Variants in NTN4 observed in about 807,000 individuals in gnomAD.
The protein encoded by NTN4 is netrin-4.
Under a neutral mutation model 73.6 loss-of-function variants are expected in NTN4, and 32 were observed. That is an observed-to-expected ratio of 0.44 (90% CI 0.33 to 0.58). The LOEUF (loss-of-function observed/expected upper bound fraction) is 0.58, where lower values mean the gene tolerates loss of function less well. Ranked by LOEUF, NTN4 falls within the 20% of genes least tolerant of loss-of-function variation. The pLI, the probability that NTN4 is intolerant of heterozygous loss-of-function variation, is 0.04. For synonymous variants in NTN4, 258 were observed against 287.5 expected (o/e 0.90, Z 1.04); for missense variants, 654 against 798.3 (o/e 0.82, Z 2.18).
rs145078057 is a variant in NTN4, at chr12:95,714,641, G to A, written c.865-1303C>T. On this transcript the variant is annotated intron_variant, in intron 3 of 9. Transcript: ENST00000343702. ...ACAAATACCTAAGAAGCAAAATAAT[G>A]CTGGCGTTCAAAAGATGCAGAAATC... is the stretch of plus-strand genomic sequence containing the variant. Among the ~76,000 whole-genome samples, 1,080 of 152,256 alleles carry A rather than the reference G, an allele frequency of 7.1e-3. 16 individuals are homozygous for A. Among genetic ancestry groups the A allele is most frequent in the African/African-American group, 0.024 (1,010 of 41,540 alleles).
At chr12:95,788,080 A>G (rs1209629799) in intron 1 of NTN4, among the ~76,000 whole-genome samples, 1 of 152,210 alleles carries the variant, frequency 6.6e-6, no homozygotes, top group East Asian at 1.9e-4. Context: ...ATGGGTCCTC[A>G]TTTAGAGGGA....
At chr12:95,724,851 TCA>T (rs2078680346) in intron 3 of NTN4, among the ~76,000 whole-genome samples, 1 of 152,136 alleles carries the variant, frequency 6.6e-6, no homozygotes, top group Non-Finnish European at 1.5e-5. Flanking sequence ...TCATTTGATC[TCA>T]GTCTTGTTTT....
At chr12:95,747,059 A>C (rs780805044) in intron 2 of NTN4, among the ~76,000 whole-genome samples, 6 of 152,156 alleles carry the variant, frequency 3.9e-5, no homozygotes, top group Non-Finnish European at 8.8e-5. Context: ...CTAAGCCTTT[A>C]TTTTTGTACT....
At chr12:95,664,338 G>T (rs548279690) in intron 9 of NTN4, among the ~76,000 whole-genome samples, 2 of 152,010 alleles carry the variant, frequency 1.3e-5, no homozygotes, top group African/African-American at 2.4e-5. Context: ...GATTACAGGC[G>T]TGAACCACCA....
At chr12:95,706,286 T>G (rs1054203937) in intron 5 of NTN4, among the ~76,000 whole-genome samples, 77 of 50,460 alleles carry the variant, frequency 1.5e-3, no homozygotes, top group Non-Finnish European at 2.9e-3. Context: ...CATAGAACAG[T>G]AACAAAAAAA....
intron 7 of NTN4, chr12:95,672,141 T>TAAGA: frequency 2.4e-6 from 1 of 418,486 alleles, no homozygotes; most frequent in African/African-American, 2.1e-5. Flanking sequence ...GGTAACGTAG[T>TAAGA]AAGACATTGT....
intron 4 of NTN4, among the ~76,000 whole-genome samples, 179 bp downstream of exon 4, chr12:95,713,033 A>G (rs914197957): frequency 6.6e-6 from 1 of 152,152 alleles, no homozygotes; most frequent in Non-Finnish European, 1.5e-5. Flanking sequence ...TGGCAATGTA[A>G]TGAACGGCAA....
chr12:95,768,255 T>C lies in NTN4; in HGVS notation c.585+18684A>G, dbSNP rs376421807. 2.6e-5 allele frequency among the ~76,000 whole-genome samples: 4 copies of C among 152,084 alleles called. No individual in the cohort carries two copies. The South Asian group carries it at 8.3e-4, about 32-fold the overall frequency. On this transcript the variant is annotated intron_variant, in intron 2 of 9. Transcript: ENST00000343702. ...ACATAGGATACTGTGGGTGCACACA[T>C]GTGATGTACGTGTACACTGCACCTA...
At chr12:95,754,727 T>A (rs886326880) in intron 2 of NTN4, among the ~76,000 whole-genome samples, 1 of 151,932 alleles carries the variant, frequency 6.6e-6, no homozygotes, top group South Asian at 2.1e-4. Flanking sequence ...CCCCTTTGAC[T>A]GTAATTTTCC....
intron 3 of NTN4, among the ~76,000 whole-genome samples, chr12:95,714,090 T>G (rs182559005): frequency 6.6e-6 from 1 of 152,252 alleles, no homozygotes; most frequent in East Asian, 1.9e-4. Flanking sequence ...TTCCTCCCCA[T>G]AGTTCAGAGT....
At position 95,665,956 on chromosome 12, in the gene NTN4, G is replaced by A; in HGVS notation, c.1604C>T (p.Ala535Val). The A allele has an allele frequency of 6.2e-7, 1 of 1,610,252 alleles. No homozygotes were observed. The highest frequency in any genetic ancestry group is 8.5e-7 in the Non-Finnish European group (1 of 1,177,806). The change falls in exon 9 of 10, where the codon GCT becomes GTT. Residue 535 changes from alanine to valine, a missense_variant. Coordinates refer to ENST00000343702, the MANE Select transcript of NTN4 (RefSeq NM_021229.4). ...SYVLKIKILSAHDKGTHVEVN... is the reference protein window; with the variant it reads ...SYVLKIKILSVHDKGTHVEVN... ...CTCAACATGAGTACCTTTATCATGA[G>A]CTGATAAAATCTTTATTTTTAGCAC...
intron 2 of NTN4, among the ~76,000 whole-genome samples, chr12:95,748,230 C>CAAAAA (rs769213172): frequency 6.5e-4 from 49 of 75,498 alleles, no homozygotes; most frequent in African/African-American, 1.5e-3. Context: ...GACTCTGTCT[C>CAAAAA]AAAAAAAAAA....
chr12:95,714,803 A>G (rs1358031690), intron 3 of NTN4, among the ~76,000 whole-genome samples: 1 of 152,194 alleles, frequency 6.6e-6, no homozygotes, highest in Non-Finnish European at 1.5e-5. Flanking sequence ...ACCAAGGTGT[A>G]AGGAGAATCT....
At chr12:95,710,713 G>A (rs2078558884) in intron 4 of NTN4, 84 bp from the exon 5 acceptor site, 2 of 1,361,910 alleles carry the variant, frequency 1.5e-6, no homozygotes, top group Non-Finnish European at 2.0e-6. Context: ...GTAAAAATAG[G>A]ATGAGTTGGC....
chr12:95,761,945 A>C (rs1027587525), intron 2 of NTN4, among the ~76,000 whole-genome samples: 8 of 152,048 alleles, frequency 5.3e-5, no homozygotes, highest in African/African-American at 1.9e-4. Context: ...CATTAAAATT[A>C]TTTTATTACC....
At chr12:95,786,831 A>G (rs2079170529) in intron 2 of NTN4, 108 bp downstream of exon 2, 1 of 837,508 alleles carries the variant, frequency 1.2e-6, no homozygotes, top group African/African-American at 1.7e-5. Context: ...GAAAAATTCT[A>G]ATTTCATTCA....
chr12:95,709,520 TTCTCTCTC>T (rs1222779866), intron 5 of NTN4, among the ~76,000 whole-genome samples: 1 of 148,428 alleles, frequency 6.7e-6, no homozygotes, highest in Non-Finnish European at 1.5e-5. Flanking sequence ...TTTCCTTCCT[TTCTCTCTC>T]TCTCTCTCTC....
At chr12:95,709,521 T>C (rs1043268655) in intron 5 of NTN4, among the ~76,000 whole-genome samples, 2 of 139,646 alleles carry the variant, frequency 1.4e-5, no homozygotes, top group African/African-American at 2.6e-5. Context: ...TTCCTTCCTT[T>C]CTCTCTCTCT....
intron 5 of NTN4, among the ~76,000 whole-genome samples, chr12:95,708,171 G>A (rs537929374): frequency 2.0e-5 from 3 of 151,978 alleles, no homozygotes; most frequent in Admixed American, 6.5e-5. Flanking sequence ...GAGTAGAAAC[G>A]CTATAGTATT....
Sources: gnomAD v4.1 joint callset for allele counts (sites outside exome capture counted in the v4.1 genomes callset) on GRCh38, gnomAD v4.1.1 for gene constraint, MANE v1.5 for transcripts, NCBI Gene and HGNC (gene_info 2026-07-23, HGNC 2026-07-21) for gene names.